STK32A: variants seen among roughly 807,000 people sequenced by gnomAD.
STK32A encodes serine/threonine kinase 32A.
In STK32A, 41 loss-of-function variants were observed where a neutral mutation model predicts 53.2. The observed-to-expected ratio is 0.77, with a 90% confidence interval of 0.60 to 1.00. The LOEUF (loss-of-function observed/expected upper bound fraction) is 1.00. Among genes scored for constraint, STK32A ranks in the 50% least tolerant of loss-of-function variants. The pLI, the probability that STK32A is intolerant of heterozygous loss-of-function variation, is 0.00. For missense variants in STK32A, 458 were observed against 485.8 expected (o/e 0.94, Z 0.54); for synonymous variants, 166 against 162.8 (o/e 1.02, Z -0.15).
chr5:147,381,642 GA>G (rs112622783), intron 11 of STK32A, among the ~76,000 whole-genome samples: 59 of 139,876 alleles, frequency 4.2e-4, no homozygotes, highest in Middle Eastern at 3.7e-3. Context: ...AAGTCTGTCA[GA>G]AAAAAAAAAA....
At chr5:147,367,522 G>T (rs180866299) in intron 8 of STK32A, among the ~76,000 whole-genome samples, 4 of 152,098 alleles carry the variant, frequency 2.6e-5, no homozygotes, top group Non-Finnish European at 5.9e-5. Flanking sequence ...AGGGAGATAG[G>T]AGTGGGGCCG....
chr5:147,334,105 C>T (rs916825501), intron 5 of STK32A, among the ~76,000 whole-genome samples: 1 of 152,080 alleles, frequency 6.6e-6, no homozygotes, highest in African/African-American at 2.4e-5. Flanking sequence ...CATTACAAAA[C>T]CATAGGAAAT....
chr5:147,360,475 A>AAAAG (rs142486199), intron 7 of STK32A, among the ~76,000 whole-genome samples: 2,792 of 142,970 alleles, frequency 0.02, 125 homozygotes, highest in East Asian at 0.19. Context: ...AAAGAAAAAA[A>AAAAG]AAAGAAAGAA....
intron 2 of STK32A, among the ~76,000 whole-genome samples, chr5:147,272,180 G>T (rs1486708738): frequency 1.3e-5 from 2 of 152,110 alleles, no homozygotes; most frequent in Admixed American, 6.6e-5. Context: ...TGACACAAGG[G>T]ATTTTCCTGC....
At chr5:147,347,344 C>T (rs1332457415) in intron 6 of STK32A, among the ~76,000 whole-genome samples, 4 of 151,836 alleles carry the variant, frequency 2.6e-5, no homozygotes, top group African/African-American at 9.7e-5. Context: ...AGGCAGAAAC[C>T]CTCTCCTAGA....
chr5:147,269,581 A>C (rs1341983998), intron 2 of STK32A, among the ~76,000 whole-genome samples: 5 of 152,200 alleles, frequency 3.3e-5, no homozygotes, highest in African/African-American at 9.7e-5. Context: ...GCAAATTTGT[A>C]TAGCAAATTA....
At chr5:147,237,389 T>A (rs1753369497) in intron 1 of STK32A, among the ~76,000 whole-genome samples, 1 of 152,114 alleles carries the variant, frequency 6.6e-6, no homozygotes, top group African/African-American at 2.4e-5. Flanking sequence ...CCTTACACTA[T>A]CCCTCATTTG....
rs190382963 is a variant in STK32A, at chr5:147,304,278, T to C, written c.261-19620T>C. On this transcript the variant is annotated intron_variant, in intron 4 of 12. Coordinates refer to ENST00000397936, the MANE Select transcript of STK32A (RefSeq NM_001112724.2). ...CCTGCCCCTTAGCTCAAAGAAAGAA[T>C]AAAATAAATGACTCCTGGATTGTTA... is the stretch of plus-strand genomic sequence containing the variant. Among the ~76,000 whole-genome samples the C allele has an allele frequency of 2.0e-5, 3 of 152,274 alleles. No individual in the cohort carries two copies. The East Asian group carries it at 5.8e-4, about 29-fold the overall frequency.
At chr5:147,401,498 T>A in the STK32A span, 4 of 1,572,946 alleles carry the variant, frequency 2.5e-6, no homozygotes, top group East Asian at 2.3e-5. Flanking sequence ...ACTCAAGAGA[T>A]GTTTTCACAA....
chr5:147,364,951 G>A (rs1756680449), intron 8 of STK32A, among the ~76,000 whole-genome samples: 1 of 152,194 alleles, frequency 6.6e-6, no homozygotes. Context: ...CCAAAGAGTT[G>A]AAGACCTGAC....
At chr5:147,255,636 G>A (rs1754198103) in intron 2 of STK32A, among the ~76,000 whole-genome samples, 1 of 152,124 alleles carries the variant, frequency 6.6e-6, no homozygotes. Context: ...GTGCAACATT[G>A]AGTTTTAATT....
At chr5:147,277,283 G>T (rs968757929) in intron 2 of STK32A, among the ~76,000 whole-genome samples, 3 of 152,026 alleles carry the variant, frequency 2.0e-5, no homozygotes, top group African/African-American at 7.2e-5. Flanking sequence ...AGTTATCAAG[G>T]CAGTAAACCA....
Position 147,279,356 on chromosome 5 carries a change from A to G in STK32A, c.218A>G (p.Gln73Arg), listed in dbSNP as rs1316583119. The stretch of plus-strand genomic sequence containing the variant: ...GTGAGAAATGTCTTCAAGGAACTCC[A>G]GATCATGCAGGGTCTGGAGCACCCT... ...NEVRNVFKEL[Q>R]IMQGLEHPFL... Residue 73 changes from glutamine (Q) to arginine (R), a missense_variant, in exon 4 of 13, where the codon CAG becomes CGG. By Grantham distance (43) the Gln-to-Arg change is conservative (BLOSUM62 1). Transcript: ENST00000397936. 3.7e-6 allele frequency: 6 copies of G among 1,609,880 alleles called. No individual in the cohort carries two copies. Among genetic ancestry groups the G allele is most frequent in the South Asian group, 3.3e-5 (3 of 90,260 alleles).
intron 4 of STK32A, among the ~76,000 whole-genome samples, chr5:147,320,804 A>AG (rs34642079): frequency 0.098 from 14,857 of 152,124 alleles, 1,385 homozygotes; most frequent in African/African-American, 0.23. Context: ...CTAAGGCTGA[A>AG]GGGGGCGTGA....
At chr5:147,304,211 A>G (rs772988729) in intron 4 of STK32A, among the ~76,000 whole-genome samples, 2 of 152,216 alleles carry the variant, frequency 1.3e-5, no homozygotes, top group Non-Finnish European at 2.9e-5. Context: ...CAAGATTGAA[A>G]GTCCTGGGAG....
intron 4 of STK32A, among the ~76,000 whole-genome samples, chr5:147,300,619 C>CT (rs1396523414): frequency 1.3e-5 from 2 of 152,152 alleles, no homozygotes; most frequent in Non-Finnish European, 2.9e-5. Context: ...GTTAATTGCC[C>CT]TTTTTGCCAT....
intron 2 of STK32A, among the ~76,000 whole-genome samples, chr5:147,244,687 G>A (rs1425422306): frequency 2.6e-5 from 4 of 152,186 alleles, no homozygotes; most frequent in Admixed American, 2.6e-4. Context: ...GGTACCACAA[G>A]AAAAGTCTCC....
At chr5:147,316,646 T>A (rs1754001090) in intron 4 of STK32A, among the ~76,000 whole-genome samples, 1 of 151,836 alleles carries the variant, frequency 6.6e-6, no homozygotes, top group Non-Finnish European at 1.5e-5. Flanking sequence ...AAGGAAAGAC[T>A]TCAGTTCAAG....
At chr5:147,392,672 G>A (rs970140405), downstream of STK32A, 2 of 152,236 alleles carry the variant, frequency 1.3e-5, no homozygotes, top group Non-Finnish European at 2.9e-5. Context: ...AGACAAGGTA[G>A]ATCGAAGCAC....
Sources: gnomAD v4.1 joint callset for allele counts (sites outside exome capture counted in the v4.1 genomes callset) on GRCh38, gnomAD v4.1.1 for gene constraint, MANE v1.5 for transcripts, NCBI Gene and HGNC (gene_info 2026-07-23, HGNC 2026-07-21) for gene names.